Variants in HDAC4 observed in about 807,000 individuals in gnomAD.
HDAC4 encodes the protein histone deacetylase A.
A neutral mutation model predicts 135.1 loss-of-function variants in HDAC4; 16 were observed. The observed-to-expected ratio is 0.12, with a 90% CI of 0.08 to 0.18. The LOEUF (loss-of-function observed/expected upper bound fraction) is 0.18. Ranked by LOEUF, HDAC4 falls within the 10% of genes least tolerant of loss-of-function variation. The probability of loss-of-function intolerance (pLI) is 1.00; values close to 1 mark genes in which losing one functional copy is unlikely to be tolerated. For missense variants in HDAC4, 1,143 were observed against 1,511.8 expected (o/e 0.76, Z 4.05); for synonymous variants, 685 against 653.4 (o/e 1.05, Z -0.74).
At chr2:239,383,838 A>T (rs1695593072) in intron 1 of HDAC4, among the ~76,000 whole-genome samples, 1 of 152,218 alleles carries the variant, frequency 6.6e-6, no homozygotes, top group Non-Finnish European at 1.5e-5. Flanking sequence ...CAGGATGCAG[A>T]CAGGATGAAG....
intron 11 of HDAC4, among the ~76,000 whole-genome samples, chr2:239,129,511 G>A (rs1245240643): frequency 2.0e-5 from 3 of 152,130 alleles, no homozygotes; most frequent in Non-Finnish European, 2.9e-5. Context: ...CTCCTCCCCT[G>A]GGCATCTTAG....
intron 13 of HDAC4, among the ~76,000 whole-genome samples, chr2:239,112,125 G>A (rs2038729763): frequency 6.6e-6 from 1 of 152,158 alleles, no homozygotes; most frequent in Non-Finnish European, 1.5e-5. Context: ...AGTAGGGCCT[G>A]GCAGGTGTGG....
chr2:239,271,846 G>C (rs2050077488), intron 2 of HDAC4, among the ~76,000 whole-genome samples: 1 of 152,216 alleles, frequency 6.6e-6, no homozygotes, highest in Non-Finnish European at 1.5e-5. Context: ...GTTACACAGA[G>C]CTTCGAAATT....
chr2:239,228,373 T>C (rs1367767037), intron 3 of HDAC4, among the ~76,000 whole-genome samples: 1 of 150,774 alleles, frequency 6.6e-6, no homozygotes, highest in Non-Finnish European at 1.5e-5. Flanking sequence ...CTGTCAATAC[T>C]GAGCCGGAAC....
In HDAC4 at chr2:239,111,598, G is replaced by T; in HGVS notation, c.1906C>A (p.Gln636Lys). 6.2e-7 allele frequency: 1 copy of T among 1,611,682 alleles called. No individual in the cohort carries two copies. The highest frequency in any genetic ancestry group is 8.5e-7 in the Non-Finnish European group (1 of 1,179,498). Reference protein sequence around the residue: ...FGGHRPLSRAQSSPASATFPV... With the variant: ...FGGHRPLSRAKSSPASATFPV... ...AAGGTGGCAGACGCGGGTGAGGACT[G>T]CGCCCGGGACAGAGGCCTGTGGCCG... Residue 636 changes from glutamine to lysine, a missense_variant, in exon 14 of 27, where the codon CAG becomes AAG. Physicochemically the swap from Gln to Lys is moderately conservative, Grantham distance 53. Around this residue, in one of 9 missense-constraint regions of HDAC4, gnomAD observed 196 missense variants for 210.7 expected, o/e 0.93. Transcript: ENST00000543185.
chr2:239,264,988 C>A (rs1013042892), intron 2 of HDAC4, among the ~76,000 whole-genome samples: 1 of 152,230 alleles, frequency 6.6e-6, no homozygotes, highest in African/African-American at 2.4e-5. Flanking sequence ...TCCTGCCCCT[C>A]CCCCTGCAGA....
chr2:239,095,584 C>T lies in HDAC4; in HGVS notation c.2234-528G>A, dbSNP rs905338111. Among the ~76,000 whole-genome samples the T allele has an allele frequency of 3.3e-5, 5 of 152,258 alleles. No homozygotes were observed. In the South Asian group the frequency reaches 6.2e-4, roughly 19 times the overall value. On this transcript the variant is annotated intron_variant, in intron 16 of 26. Transcript: ENST00000543185. ...TGTATGCAGCGACAGCCCCTCCCTG[C>T]GACACAGGCGGAGCGTGTACAGCTG...
intron 2 of HDAC4, among the ~76,000 whole-genome samples, chr2:239,295,590 G>A (rs1289701411): frequency 6.6e-6 from 1 of 152,140 alleles, no homozygotes; most frequent in Admixed American, 6.6e-5. Context: ...AATGCACCCT[G>A]GTTTGTTAAA....
At chr2:239,235,789 C>T (rs893722559) in intron 3 of HDAC4, among the ~76,000 whole-genome samples, 6 of 152,178 alleles carry the variant, frequency 3.9e-5, no homozygotes, top group Non-Finnish European at 8.8e-5. Flanking sequence ...CCTGTAATTC[C>T]AGCACTTTGG....
intron 20 of HDAC4, among the ~76,000 whole-genome samples, 171 bp downstream of exon 20, chr2:239,083,984 C>G (rs539523675): frequency 6.6e-6 from 1 of 152,358 alleles, no homozygotes; most frequent in East Asian, 1.9e-4. Context: ...GGAAGCTGTA[C>G]AATGACTTGT....
At chr2:239,053,397 G>A in intron 26 of HDAC4, 63 bp downstream of exon 26, 1 of 1,583,514 alleles carries the variant, frequency 6.3e-7, no homozygotes, top group African/African-American at 1.3e-5. Context: ...ACCCTGAATA[G>A]TGTGTCAGTG....
intron 13 of HDAC4, among the ~76,000 whole-genome samples, chr2:239,113,149 C>T (rs181824852): frequency 9.5e-4 from 144 of 152,336 alleles, no homozygotes; most frequent in African/African-American, 3.2e-3. Context: ...ACTTGGGAGG[C>T]TGAGGCAGAA....
At chr2:239,067,912 C>T (rs970665026) in intron 23 of HDAC4, among the ~76,000 whole-genome samples, 1 of 152,190 alleles carries the variant, frequency 6.6e-6, no homozygotes, top group Non-Finnish European at 1.5e-5. Context: ...TCGGGGACTC[C>T]AGGGTGGGGG....
intron 2 of HDAC4, among the ~76,000 whole-genome samples, chr2:239,276,959 C>T (rs2050405383): frequency 6.6e-6 from 1 of 152,208 alleles, no homozygotes; most frequent in Non-Finnish European, 1.5e-5. Flanking sequence ...TGGGGAACAC[C>T]ATTCGAGAGT....
intron 16 of HDAC4, among the ~76,000 whole-genome samples, chr2:239,096,678 G>A (rs181636563): frequency 0.048 from 2,198 of 45,946 alleles, 145 homozygotes; most frequent in Admixed American, 0.11. Context: ...CCCCATGGAC[G>A]CCAGCACCCC....
chr2:239,048,572 G>C lies in HDAC4; in HGVS notation c.*4525C>G, dbSNP rs546635836. The C allele has an allele frequency of 6.6e-6, 1 of 151,826 alleles. No homozygotes were observed. Among genetic ancestry groups the C allele is most frequent in the African/African-American group, 2.4e-5 (1 of 41,324 alleles). 9.4% of individuals were successfully genotyped at this position (151,826 alleles called of 1,614,324 possible). On this transcript the variant is annotated 3_prime_UTR_variant, in exon 27 of 27. Transcript: ENST00000543185. ...TTCAAGCCCCCTGTATAGATAGATA[G>C]ATAGATAGATAGATAGATAGATTAT... is the stretch of plus-strand genomic sequence containing the variant.
At chr2:239,220,473 G>C (rs548764252) in intron 3 of HDAC4, among the ~76,000 whole-genome samples, 1 of 152,358 alleles carries the variant, frequency 6.6e-6, no homozygotes, top group African/African-American at 2.4e-5. Context: ...AAATCTGACA[G>C]ATTGCGGATC....
At chr2:239,328,687 C>T (rs913963743) in intron 2 of HDAC4, among the ~76,000 whole-genome samples, 3 of 152,224 alleles carry the variant, frequency 2.0e-5, no homozygotes, top group African/African-American at 4.8e-5. Flanking sequence ...AGCACACATC[C>T]GAACTGCCAG....
At chr2:239,174,593 C>T (rs568652261) in intron 5 of HDAC4, among the ~76,000 whole-genome samples, 2 of 152,156 alleles carry the variant, frequency 1.3e-5, no homozygotes, top group African/African-American at 2.4e-5. Context: ...TTGGGCATCA[C>T]GTATGAACAC....
Sources: gnomAD v4.1 joint callset for allele counts (sites outside exome capture counted in the v4.1 genomes callset) on GRCh38, gnomAD v4.1.1 for gene constraint, gnomAD v4.1.1 regional missense constraint, MANE v1.5 for transcripts, NCBI Gene and HGNC (gene_info 2026-07-23, HGNC 2026-07-21) for gene names.